The following ADGRG1 variants were observed in gnomAD, a reference collection of about 807,000 sequenced individuals.
ADGRG1 encodes the protein 7-transmembrane protein with no EGF-like N-terminal domains-1.
Under a neutral mutation model 73.5 loss-of-function variants are expected in ADGRG1, and 53 were observed. That is an observed-to-expected ratio of 0.72 (90% CI 0.58 to 0.91). The LOEUF (loss-of-function observed/expected upper bound fraction) is 0.91. ADGRG1 is among the 40% of genes least tolerant of loss of function. ADGRG1 has a pLI of 0.00. For synonymous variants in ADGRG1, 394 were observed against 374.4 expected, an observed-to-expected ratio of 1.05 and a Z score of -0.60; for missense variants, 795 against 871.8, an observed-to-expected ratio of 0.91 and a Z score of 1.11.
chr16:57,634,276 A>T, intron 1 of ADGRG1: 23 of 985,300 alleles, frequency 2.3e-5, no homozygotes, highest in Non-Finnish European at 2.7e-5. Flanking sequence ...GGGGTCAGAC[A>T]ACTGCCCAGA....
chr16:57,659,312 C>A, intron 10 of ADGRG1, 101 bp from the exon 11 acceptor site: 1 of 1,594,504 alleles, frequency 6.3e-7, no homozygotes, highest in South Asian at 1.1e-5. Context: ...ATGTGTGTGT[C>A]GGGGTGGGGG....
intron 1 of ADGRG1, chr16:57,645,365 TCCCAC>T: frequency 1.0e-6 from 1 of 969,880 alleles, no homozygotes; most frequent in Non-Finnish European, 1.2e-6. Context: ...TTGGCTCCCT[TCCCAC>T]CCCACCACCC....
At position 57,628,887 on chromosome 16, in the gene ADGRG1, AGTGTGAGT is replaced by A. The variant is rs1465331437; in HGVS notation, c.-36+97_-36+104del. On this transcript the variant is annotated intron_variant, in intron 1 of 13. Coordinates refer to ENST00000562631, the MANE Select transcript of ADGRG1 (RefSeq NM_201525.4). The stretch of plus-strand genomic sequence containing the variant: ...GAGTGTGTGAGCGTGAGTGTGTGAG[AGTGTGAGT>A]GTGTGAGTGTGAGTGTGTGAGAGTG... The A allele has an allele frequency of 8.3e-5, 67 of 805,700 alleles. 1 individual carries two copies. The highest frequency in any genetic ancestry group is 6.0e-4 in the Middle Eastern group (1 of 1,666). 49.9% of individuals were successfully genotyped at this position (805,700 alleles called of 1,614,324 possible). A position where few individuals can be genotyped will look rare whatever the true frequency, so the allele number is the denominator to read the frequency against.
At chr16:57,625,192 C>T (rs1471135890), upstream of ADGRG1, among the ~76,000 whole-genome samples, 1 of 151,862 alleles carries the variant, frequency 6.6e-6, no homozygotes, top group Non-Finnish European at 1.5e-5. Context: ...CCATGACCTT[C>T]TCTGGGCCTG....
chr16:57,663,187 G>C (rs2047664174), intron 13 of ADGRG1: 1 of 810,964 alleles, frequency 1.2e-6, no homozygotes, highest in Admixed American at 6.2e-5. Context: ...AGCCTCCTGG[G>C]CCTCAGTTTC....
chr16:57,654,411 C>CG (rs199827974), intron 5 of ADGRG1, among the ~76,000 whole-genome samples: 14 of 42,570 alleles, frequency 3.3e-4, no homozygotes, highest in Non-Finnish European at 4.7e-4. Flanking sequence ...GTCCACGCAC[C>CG]CCCCCCCCCC....
chr16:57,622,555 C>T (rs1196346811), intron 2 of ADGRG1, among the ~76,000 whole-genome samples: 4 of 152,160 alleles, frequency 2.6e-5, no homozygotes. Context: ...CCCAGCCGTG[C>T]ACACTGCAAG....
In ADGRG1 at chr16:57,653,402, T is replaced by G. The variant is rs2305307; in HGVS notation, c.620+67T>G. Reference sequence around the variant, plus strand: ...ATCAGAGATCTGGACCTGGGCAGGGTGGGACCTGGAGTAGGGGCTACTGCG... The same window carrying G: ...ATCAGAGATCTGGACCTGGGCAGGGGGGGACCTGGAGTAGGGGCTACTGCG... On this transcript the variant is annotated intron_variant, in intron 4 of 13. Coordinates refer to ENST00000562631, the MANE Select transcript of ADGRG1 (RefSeq NM_201525.4). 32,384 of 1,595,890 alleles carry G rather than the reference T, an allele frequency of 0.02. 798 individuals carry two copies. The highest frequency in any genetic ancestry group is 0.12 in the African/African-American group (8,700 of 74,930).
intron 1 of ADGRG1, 154 bp downstream of exon 1, chr16:57,628,956 G>T: frequency 1.6e-6 from 1 of 629,418 alleles, no homozygotes; most frequent in Non-Finnish European, 1.9e-6. Context: ...GAGTGTGAGA[G>T]TGTGTGAGTG....
At chr16:57,624,941 C>T (rs1217481831), upstream of ADGRG1, among the ~76,000 whole-genome samples, 1 of 152,080 alleles carries the variant, frequency 6.6e-6, no homozygotes, top group East Asian at 1.9e-4. Flanking sequence ...TATTTTGGTC[C>T]CCACTTGGCA....
chr16:57,648,735 G>A lies in ADGRG1; in HGVS notation c.-35-1518G>A, dbSNP rs539237655. ...CTCTGTCACTGTGGCCAGCTGCCGC[G>A]CCACGCAGGATGAGGTTCTGTCTGT... On this transcript the variant is annotated intron_variant, in intron 1 of 13. Coordinates refer to ENST00000562631, the MANE Select transcript of ADGRG1 (RefSeq NM_201525.4). 2.1e-5 allele frequency: 21 copies of A among 982,548 alleles called. No individual in the cohort carries two copies. The East Asian group carries it at 4.6e-4, about 21-fold the overall frequency. 60.9% of individuals were successfully genotyped at this position (982,548 alleles called of 1,614,324 possible). A position where few individuals can be genotyped will look rare whatever the true frequency, so the allele number is the denominator to read the frequency against.
chr16:57,657,522 G>A, intron 10 of ADGRG1, 31 bp downstream of exon 10: 1 of 1,520,324 alleles, frequency 6.6e-7, no homozygotes, highest in Non-Finnish European at 9.1e-7. Flanking sequence ...GACAGGGGAG[G>A]GGACCCTCCA....
In ADGRG1 at chr16:57,664,282, T is replaced by G. The variant is rs2047905462; in HGVS notation, c.*700T>G. 1 of 152,884 alleles carries G rather than the reference T, an allele frequency of 6.5e-6. No homozygotes were observed. The highest frequency in any genetic ancestry group is 1.5e-5 in the Non-Finnish European group (1 of 68,578). The allele number at this position is 152,884 out of a possible 1,614,324, so 9.5% of individuals were successfully genotyped here. On this transcript the variant is annotated 3_prime_UTR_variant, in exon 14 of 14. Transcript: ENST00000562631. Reference sequence around the variant, plus strand: ...GGTCCCCGATTCCAATGCTGTTTTTTGGGGAGTGGTTTCCAGGAGCTGCCT... The same window carrying G: ...GGTCCCCGATTCCAATGCTGTTTTTGGGGGAGTGGTTTCCAGGAGCTGCCT...
At chr16:57,635,277 AT>A in intron 1 of ADGRG1, 1 of 985,198 alleles carries the variant, frequency 1.0e-6, no homozygotes, top group Non-Finnish European at 1.2e-6. Flanking sequence ...AGCTGTACTT[AT>A]CCTATGCCAT....
rs971620412 is a variant in ADGRG1 at position 57,662,870 on chromosome 16, G to T, written c.1934-582G>T. The T allele has an allele frequency of 4.3e-6, 4 of 940,726 alleles. 1 individual carries two copies. In the South Asian group the frequency reaches 1.5e-4, roughly 35 times the overall value. The allele number at this position is 940,726 out of a possible 1,614,324, so 58.3% of individuals were successfully genotyped here. A position where few individuals can be genotyped will look rare whatever the true frequency, so the allele number is the denominator to read the frequency against. On this transcript the variant is annotated intron_variant, in intron 13 of 13. Coordinates refer to ENST00000562631, the MANE Select transcript of ADGRG1 (RefSeq NM_201525.4). ...GGGGGTTGTATGGCCAGGCCCAGGG[G>T]CTCTCATGGGGTTCAAGGCCAGCCT...
rs1227015911 is a variant in ADGRG1 at position 57,644,510 on chromosome 16, GGGCACACACACTCATCACACACATGCGCA to G, written c.-35-5732_-35-5704del. On this transcript the variant is annotated intron_variant, in intron 1 of 13. Transcript: ENST00000562631. The stretch of plus-strand genomic sequence containing the variant: ...CACACACATATGCACACTCATGCAT[GGGCACACACACTCATCACACACATGCGCA>G]GGCACACACATGCACACACGGACAC... Among the ~76,000 whole-genome samples, 46 of 141,950 alleles carry G rather than the reference GGGCACACACACTCATCACACACATGCGCA, an allele frequency of 3.2e-4. 1 individual carries two copies. The highest frequency in any genetic ancestry group is 7.6e-5 in the Non-Finnish European group (5 of 66,214). The allele number at this position is 141,950 out of a possible 152,430, so 93.1% of individuals were successfully genotyped here. A position where few individuals can be genotyped will look rare whatever the true frequency, so the allele number is the denominator to read the frequency against.
chr16:57,627,076 G>A (rs1264471005), upstream of ADGRG1: 46 of 984,214 alleles, frequency 4.7e-5, no homozygotes, highest in East Asian at 1.1e-4. Flanking sequence ...GCACAGTGCC[G>A]TTTTCTGGAA....
At position 57,639,899 on chromosome 16, in the gene ADGRG1, T is replaced by TG. The variant is rs565773791; in HGVS notation, c.-35-10347dup. On this transcript the variant is annotated intron_variant, in intron 1 of 13. Coordinates refer to ENST00000562631, the MANE Select transcript of ADGRG1 (RefSeq NM_201525.4). ...GGGGGTGTGGTGGCACTAGGGACCC[T>TG]GGGGGGGTCAGATGGTACTCCAAGG... The TG allele has an allele frequency of 9.1e-5, 88 of 969,180 alleles. No individual in the cohort carries two copies. The South Asian group carries it at 3.2e-3, about 36-fold the overall frequency. 60.0% of individuals were successfully genotyped at this position (969,180 alleles called of 1,614,324 possible). A position where few individuals can be genotyped will look rare whatever the true frequency, so the allele number is the denominator to read the frequency against.
chr16:57,644,892 GCACA>G (rs552554069), intron 1 of ADGRG1, among the ~76,000 whole-genome samples: 1 of 137,062 alleles, frequency 7.3e-6, no homozygotes, highest in African/African-American at 2.8e-5. Context: ...TCATGCATGG[GCACA>G]CACACTCATC....
Sources: allele counts gnomAD v4.1 joint callset (sites outside exome capture counted in the v4.1 genomes callset), GRCh38; gene constraint gnomAD v4.1.1; transcripts MANE v1.5; gene names NCBI Gene and HGNC (gene_info 2026-07-23, HGNC 2026-07-21).